The following C11orf91 variants were observed in gnomAD, a reference collection of about 807,000 sequenced individuals.
The protein encoded by C11orf91 is uncharacterized protein C11orf91.
Under a neutral mutation model 14.3 loss-of-function variants are expected in C11orf91, and 10 were observed. That is an observed-to-expected ratio of 0.70 (90% CI 0.43 to 1.18). The LOEUF is 1.18. C11orf91 is among the 50% of genes most tolerant of loss of function. The probability of loss-of-function intolerance (pLI) is 0.00; values close to 1 mark genes in which losing one functional copy is unlikely to be tolerated. For synonymous variants in C11orf91, 141 were observed against 130.6 expected (o/e 1.08, Z -0.54); for missense variants, 236 against 269.0 (o/e 0.88, Z 0.86).
At chr11:33,699,477 C>A (rs985388635) in intron 1 of C11orf91, 1 of 446,474 alleles carries the variant, frequency 2.2e-6, no homozygotes, top group Non-Finnish European at 4.5e-6. Flanking sequence ...GACAACCTAC[C>A]GCTACTGAAA....
intron 1 of C11orf91, among the ~76,000 whole-genome samples, chr11:33,698,748 TAA>T (rs1443651597): frequency 6.6e-6 from 1 of 151,094 alleles, no homozygotes; most frequent in African/African-American, 2.4e-5. Context: ...TCAGAGTTGC[TAA>T]GTCCTGGATT....
rs1853105132 is a variant in C11orf91 at position 33,700,506 on chromosome 11, G to T, written c.235C>A (p.Pro79Thr). The T allele has an allele frequency of 5.2e-6, 7 of 1,343,698 alleles. No individual in the cohort carries two copies. In the South Asian group the frequency reaches 1.2e-4, roughly 23 times the overall value. 83.2% of individuals were successfully genotyped at this position (1,343,698 alleles called of 1,614,324 possible). Reference sequence around the variant, plus strand: ...TCGCTGGAGGGACCCAGGCCGGGTGGTGGCGGGGGCGGGGGCGCCGGGGCG... The same window carrying T: ...TCGCTGGAGGGACCCAGGCCGGGTGTTGGCGGGGGCGGGGGCGCCGGGGCG... ...LPAPAPPPPP[P>T]PGLGPSSERP... is the part of the protein sequence containing the mutation. Residue 79 changes from proline to threonine, a missense_variant, in exon 1 of 2, where the codon CCA (proline) becomes ACA (threonine). By Grantham distance (38) the Pro-to-Thr change is conservative. Transcript: ENST00000379011.
intron 1 of C11orf91, chr11:33,699,662 G>A (rs770791958): frequency 5.3e-5 from 24 of 456,092 alleles, no homozygotes; most frequent in South Asian, 7.7e-5. Flanking sequence ...ATCCTGGTGA[G>A]AGAACTACCG....
upstream of C11orf91, among the ~76,000 whole-genome samples, chr11:33,701,823 C>T (rs1853133204): frequency 6.6e-6 from 1 of 151,148 alleles, no homozygotes; most frequent in Non-Finnish European, 1.5e-5. Context: ...AGCTGGGTAG[C>T]CTTGGACAAG....
chr11:33,698,570 C>T, intron 1 of C11orf91, 56 bp from the exon 2 acceptor site: 1 of 1,241,414 alleles, frequency 8.1e-7, no homozygotes, highest in South Asian at 1.3e-5. Context: ...TTTCCTAACA[C>T]TTCCAAAGCA....
chr11:33,698,325 T>C lies in C11orf91; in HGVS notation c.*104A>G. The C allele has an allele frequency of 1.3e-6, 1 of 754,784 alleles. No homozygotes were observed. Among genetic ancestry groups the C allele is most frequent in the South Asian group, 1.5e-5 (1 of 64,536 alleles). 46.8% of individuals were successfully genotyped at this position (754,784 alleles called of 1,614,324 possible). ...TGGTAGCAACAAGAACAGCGGTAAATACAGAACAGAAAATAACCATCTTTG... is the reference window on the plus strand; with the variant it reads ...TGGTAGCAACAAGAACAGCGGTAAACACAGAACAGAAAATAACCATCTTTG... On this transcript the variant is annotated 3_prime_UTR_variant, in exon 2 of 2. Coordinates refer to ENST00000379011, the MANE Select transcript of C11orf91 (RefSeq NM_001166692.2).
chr11:33,700,615 C>G lies in C11orf91; in HGVS notation c.126G>C (p.Trp42Cys), dbSNP rs1277827225. The G allele has an allele frequency of 3.4e-6, 5 of 1,474,688 alleles. No homozygotes were observed. The Admixed American group carries it at 1.1e-4, about 34-fold the overall frequency. 91.4% of individuals were successfully genotyped at this position (1,474,688 alleles called of 1,614,324 possible). A position where few individuals can be genotyped will look rare whatever the true frequency, so the allele number is the denominator to read the frequency against. ...CCTTCAGCGGCACGAAGAGCTTCTT[C>G]CAGATGTTGAAGTCGCTGAGCGGGG... The part of the protein sequence containing the change: ...SSSPLSDFNI[W>C]KKLFVPLKAG... The change falls in exon 1 of 2, where the codon TGG (tryptophan) becomes TGC (cysteine). Residue 42 changes from tryptophan (W) to cysteine (C), a missense_variant. Physicochemically the swap from Trp to Cys is radical, Grantham distance 215 (BLOSUM62 -2). Transcript: ENST00000379011.
At chr11:33,701,379 T>C (rs1485079344), upstream of C11orf91, among the ~76,000 whole-genome samples, 2 of 152,252 alleles carry the variant, frequency 1.3e-5, no homozygotes, top group Admixed American at 1.3e-4. Flanking sequence ...AAGGGGATCC[T>C]CATCTGGTTT....
the C11orf91 span, chr11:33,706,505 A>G: frequency 2.6e-5 from 4 of 151,950 alleles, no homozygotes; most frequent in East Asian, 5.8e-4. Flanking sequence ...AAGCCTCACA[A>G]CAATTCTTTG....
chr11:33,700,467 A>G lies in C11orf91; in HGVS notation c.274T>C (p.Ser92Pro), dbSNP rs1590497466. The G allele has an allele frequency of 9.1e-7, 1 of 1,096,754 alleles. No homozygotes were observed. The highest frequency in any genetic ancestry group is 1.1e-6 in the Non-Finnish European group (1 of 892,476). The allele number at this position is 1,096,754 out of a possible 1,614,324, so 67.9% of individuals were successfully genotyped here. Residue 92 changes from serine to proline, a missense_variant, in exon 1 of 2, where the codon TCG becomes CCG. Ser to Pro is a moderately conservative substitution (Grantham distance 74, BLOSUM62 -1). Transcript: ENST00000379011. ...LGPSSERPWP[S>P]PWPSGLASIP... The stretch of plus-strand genomic sequence containing the variant: ...GAGGCCAGGCCGGAGGGCCAGGGCG[A>G]GGGCCAGGGGCGCTCGCTGGAGGGA...
At chr11:33,706,515 G>A in the C11orf91 span, 2 of 147,028 alleles carry the variant, frequency 1.4e-5, no homozygotes, top group African/African-American at 5.0e-5. Context: ...ACAATTCTTT[G>A]AGGTAGACAT....
intron 1 of C11orf91, among the ~76,000 whole-genome samples, chr11:33,700,023 G>A (rs1469819964): frequency 1.3e-5 from 2 of 152,158 alleles, no homozygotes; most frequent in African/African-American, 2.4e-5. Context: ...GAGGGAGGAT[G>A]GAGTTTGGGA....
chr11:33,704,539 A>T (rs185478880), upstream of C11orf91: 9 of 152,200 alleles, frequency 5.9e-5, no homozygotes, highest in East Asian at 1.7e-3. Context: ...CATAATGATA[A>T]ACACACACAA....
intron 1 of C11orf91, 108 bp downstream of exon 1, chr11:33,700,137 C>T: frequency 1.6e-6 from 2 of 1,248,290 alleles, no homozygotes; most frequent in South Asian, 1.5e-5. Flanking sequence ...TCTGGGACTA[C>T]TGGGGGCTGG....
intron 1 of C11orf91, among the ~76,000 whole-genome samples, chr11:33,698,905 C>T (rs913648489): frequency 7.3e-5 from 11 of 151,428 alleles, no homozygotes; most frequent in African/African-American, 2.7e-4. Context: ...CTCATCCTCC[C>T]GAGTAGATGA....
At position 33,698,358 on chromosome 11, in the gene C11orf91, A is replaced by C; in HGVS notation, c.*71T>G. 1.1e-6 allele frequency: 1 copy of C among 909,104 alleles called. No individual in the cohort carries two copies. 56.3% of individuals were successfully genotyped at this position (909,104 alleles called of 1,614,324 possible). Reference sequence around the variant, plus strand: ...AGAAAATAACCATCTTTGAAATGACAACAAATGGGACACATTATCTAAGCA... The same window carrying C: ...AGAAAATAACCATCTTTGAAATGACCACAAATGGGACACATTATCTAAGCA... On this transcript the variant is annotated 3_prime_UTR_variant, in exon 2 of 2. Coordinates refer to ENST00000379011, the MANE Select transcript of C11orf91 (RefSeq NM_001166692.2).
rs1282436065 is a variant in C11orf91, at chr11:33,698,387, ACAC to A, written c.*39_*41del. 2.6e-6 allele frequency: 3 copies of A among 1,150,234 alleles called. No individual in the cohort carries two copies. Among genetic ancestry groups the A allele is most frequent in the Non-Finnish European group, 2.5e-6 (2 of 794,182 alleles). 71.3% of individuals were successfully genotyped at this position (1,150,234 alleles called of 1,614,324 possible). On this transcript the variant is annotated 3_prime_UTR_variant, in exon 2 of 2. Transcript: ENST00000379011. The stretch of plus-strand genomic sequence containing the variant: ...AATGGGACACATTATCTAAGCACTA[ACAC>A]CTAAGGAGGTGGCTGCCCAAGCTCT...
chr11:33,699,654 C>G, intron 1 of C11orf91: 2 of 456,286 alleles, frequency 4.4e-6, no homozygotes, highest in South Asian at 3.1e-5. Flanking sequence ...AGCCCAGGAT[C>G]CTGGTGAGAG....
upstream of C11orf91, chr11:33,705,095 G>A (rs1184900624): frequency 6.6e-6 from 1 of 152,202 alleles, no homozygotes; most frequent in East Asian, 1.9e-4. Flanking sequence ...GGAATAGGGA[G>A]TACAGAGGCC....
Sources: allele counts gnomAD v4.1 joint callset (sites outside exome capture counted in the v4.1 genomes callset), GRCh38; gene constraint gnomAD v4.1.1; transcripts MANE v1.5; gene names NCBI Gene and HGNC (gene_info 2026-07-23, HGNC 2026-07-21).